Variants in DHDH observed in about 807,000 individuals in gnomAD.
DHDH encodes the protein trans-1,2-dihydrobenzene-1,2-diol dehydrogenase.
A neutral mutation model predicts 33.2 loss-of-function variants in DHDH; 29 were observed. The ratio of observed to expected loss-of-function variants is 0.87; its 90% CI spans 0.65 to 1.19. The LOEUF (loss-of-function observed/expected upper bound fraction) is 1.19. Ranked by LOEUF, DHDH falls within the 50% of genes most tolerant of loss-of-function variation. DHDH has a pLI of 0.00. For missense variants in DHDH, 431 were observed against 455.0 expected (o/e 0.95, Z 0.48); for synonymous variants, 201 against 187.9 (o/e 1.07, Z -0.57).
chr19:48,942,206 G>A (rs543292163), intron 4 of DHDH, among the ~76,000 whole-genome samples: 7 of 152,040 alleles, frequency 4.6e-5, no homozygotes, highest in African/African-American at 7.2e-5. Context: ...GGGTTTCACC[G>A]TGTTAGCCAG....
At chr19:48,937,049 G>A (rs1311632639) in intron 3 of DHDH, among the ~76,000 whole-genome samples, 1 of 152,002 alleles carries the variant, frequency 6.6e-6, no homozygotes, top group Non-Finnish European at 1.5e-5. Context: ...CTCCCAAAGT[G>A]CTGGGATTAC....
At chr19:48,941,278 T>C (rs2037855140) in intron 4 of DHDH, among the ~76,000 whole-genome samples, 1 of 152,200 alleles carries the variant, frequency 6.6e-6, no homozygotes, top group Non-Finnish European at 1.5e-5. Flanking sequence ...ATTCCTGATG[T>C]GCAAGCACTT....
At chr19:48,944,783 C>A in intron 6 of DHDH, 41 bp from the exon 7 acceptor site, 1 of 1,552,384 alleles carries the variant, frequency 6.4e-7, no homozygotes, top group Non-Finnish European at 8.9e-7. Flanking sequence ...GGGTCTTGGG[C>A]GCGTGGGTAG....
At position 48,939,649 on chromosome 19, in the gene DHDH, T is replaced by C; in HGVS notation, c.567T>C (p.Phe189=). The C allele has an allele frequency of 4.3e-6, 7 of 1,611,754 alleles. No homozygotes were observed. Among genetic ancestry groups the C allele is most frequent in the Non-Finnish European group, 5.9e-6 (7 of 1,178,090 alleles). ...GTGTCCAGTTCACCTCCATGGTCTT[T>C]GGAGGGCAGAAGCCAGAGAAGATTT... ...IYCVQFTSMV[F]GGQKPEKISV... is the part of the protein sequence containing the mutation. The change falls in exon 4 of 7, where the codon TTT becomes TTC. Residue 189 remains phenylalanine (F), a synonymous_variant. Coordinates refer to ENST00000221403, the MANE Select transcript of DHDH (RefSeq NM_014475.4).
At chr19:48,935,180 G>C in intron 2 of DHDH, 69 bp downstream of exon 2, 1 of 1,228,334 alleles carries the variant, frequency 8.1e-7, no homozygotes, top group Non-Finnish European at 1.1e-6. Flanking sequence ...TGCCCCCTGG[G>C]AGATGCAAGG....
intron 1 of DHDH, 118 bp downstream of exon 1, chr19:48,933,929 T>C (rs1201360382): frequency 3.5e-6 from 3 of 867,156 alleles, no homozygotes; most frequent in Non-Finnish European, 5.5e-6. Context: ...CAGTGAAACG[T>C]CTGTTTCCTT....
At chr19:48,934,654 G>T (rs2037746681) in intron 1 of DHDH, among the ~76,000 whole-genome samples, 1 of 152,090 alleles carries the variant, frequency 6.6e-6, no homozygotes, top group Admixed American at 6.6e-5. Flanking sequence ...GTGCACATCC[G>T]GTCACAGCAC....
At chr19:48,944,680 A>G in intron 6 of DHDH, 144 bp from the exon 7 acceptor site, 1 of 1,195,886 alleles carries the variant, frequency 8.4e-7, no homozygotes, top group Non-Finnish European at 1.2e-6. Context: ...TCACTCCAAA[A>G]AAAGAACTAT....
In DHDH at chr19:48,943,386, A is replaced by C. The variant is rs1022463710; in HGVS notation, c.744+822A>C. ...GGTCTTCCTGGGGCCTTGTTGCTAGAAAAAAAAAAAACCCTATTTTATAGC... is the reference window on the plus strand; with the variant it reads ...GGTCTTCCTGGGGCCTTGTTGCTAGCAAAAAAAAAAACCCTATTTTATAGC... On this transcript the variant is annotated intron_variant, in intron 5 of 6. Coordinates refer to ENST00000221403, the MANE Select transcript of DHDH (RefSeq NM_014475.4). 2.6e-4 allele frequency among the ~76,000 whole-genome samples: 18 copies of C among 69,276 alleles called. No homozygotes were observed. The South Asian group carries it at 9.6e-3, about 37-fold the overall frequency. 45.4% of individuals were successfully genotyped at this position (69,276 alleles called of 152,430 possible).
Position 48,944,475 on chromosome 19 carries a change from A to G in DHDH, c.863A>G (p.Glu288Gly). The G allele has an allele frequency of 6.2e-7, 1 of 1,611,728 alleles. No individual in the cohort carries two copies. The highest frequency in any genetic ancestry group is 8.5e-7 in the Non-Finnish European group (1 of 1,178,464). The change falls in exon 6 of 7, where the codon GAG becomes GGG. Residue 288 changes from glutamate to glycine, a missense_variant. Coordinates refer to ENST00000221403, the MANE Select transcript of DHDH (RefSeq NM_014475.4). ...GACAACGGGGCAGGCATGAGTTATGAGGCCAAGCACGTCTGGGAGTGCCTA... is the reference window on the plus strand; with the variant it reads ...GACAACGGGGCAGGCATGAGTTATGGGGCCAAGCACGTCTGGGAGTGCCTA... ...NFDNGAGMSYEAKHVWECLRK... is the reference protein window; with the variant it reads ...NFDNGAGMSYGAKHVWECLRK...
chr19:48,940,698 G>C (rs1453386911), intron 4 of DHDH, among the ~76,000 whole-genome samples: 1 of 151,928 alleles, frequency 6.6e-6, no homozygotes, highest in African/African-American at 2.4e-5. Context: ...TACGAAAAGT[G>C]CAAAAAAAAT....
chr19:48,938,736 C>G (rs1258437567), intron 3 of DHDH, among the ~76,000 whole-genome samples: 1 of 151,862 alleles, frequency 6.6e-6, no homozygotes, highest in Non-Finnish European at 1.5e-5. Flanking sequence ...ACCTCCACCT[C>G]CCGGGTTCAA....
chr19:48,943,027 C>T (rs1322103290), intron 5 of DHDH, among the ~76,000 whole-genome samples: 1 of 147,398 alleles, frequency 6.8e-6, no homozygotes, highest in Non-Finnish European at 1.5e-5. Context: ...TACATTCCAG[C>T]CTGGGTGATA....
At chr19:48,942,030 T>G (rs912489158) in intron 4 of DHDH, among the ~76,000 whole-genome samples, 9 of 124,102 alleles carry the variant, frequency 7.3e-5, no homozygotes, top group Middle Eastern at 4.1e-3. Flanking sequence ...GTGTGTGTGA[T>G]GGAGTCTCGC....
chr19:48,941,989 T>C (rs1242915886), intron 4 of DHDH, among the ~76,000 whole-genome samples: 1 of 51,258 alleles, frequency 2.0e-5, no homozygotes, highest in Non-Finnish European at 7.7e-5. Context: ...GTACTTCGTG[T>C]GTGTGTGTGT....
Position 48,942,559 on chromosome 19 carries a change from G to A in DHDH, c.739G>A (p.Val247Ile). ...CTCCGTGAGCGGCACCAAGGGCATG[G>A]TACAGGTGAGGCATGGCGGGCCCAA... is the stretch of plus-strand genomic sequence containing the variant. ...TASVSGTKGM[V>I]QLLNPCWCPT... Residue 247 changes from valine (V) to isoleucine (I), a missense_variant, in exon 5 of 7, where the codon GTA (valine) becomes ATA (isoleucine). Val to Ile is a conservative substitution (Grantham distance 29). Transcript: ENST00000221403. 1 of 1,612,852 alleles carries A rather than the reference G, an allele frequency of 6.2e-7. No individual in the cohort carries two copies.
At position 48,942,431 on chromosome 19, in the gene DHDH, TC is replaced by T; in HGVS notation, c.620-6del. 3 of 1,597,702 alleles carry T rather than the reference TC, an allele frequency of 1.9e-6. No individual in the cohort carries two copies. The highest frequency in any genetic ancestry group is 2.6e-6 in the Non-Finnish European group (3 of 1,168,330). ...AGAGACCCTGCCCTGACCCAGGACT[TC>T]CCTCCAGGTGTGGATGACACTGTCA... On this transcript the variant is annotated splice_polypyrimidine_tract_variant and splice_region_variant and intron_variant, in intron 4 of 6. Transcript: ENST00000221403.
chr19:48,933,609 C>T, upstream of DHDH: 1 of 950,982 alleles, frequency 1.1e-6, no homozygotes, highest in Non-Finnish European at 1.7e-6. Flanking sequence ...CGAGAATCGG[C>T]GTAGGCGCAA....
At chr19:48,933,204 G>A (rs550362723), upstream of DHDH, among the ~76,000 whole-genome samples, 60 of 152,258 alleles carry the variant, frequency 3.9e-4, 1 homozygote, top group Non-Finnish European at 5.3e-4. Flanking sequence ...AATTAGGAAC[G>A]AAGAAGGTAA....
Sources: gnomAD v4.1 joint callset for allele counts (sites outside exome capture counted in the v4.1 genomes callset) on GRCh38, gnomAD v4.1.1 for gene constraint, MANE v1.5 for transcripts, NCBI Gene and HGNC (gene_info 2026-07-23, HGNC 2026-07-21) for gene names.